The following ZNF516 variants were observed in gnomAD, a reference collection of about 807,000 sequenced individuals.
ZNF516 encodes zinc finger protein 516.
A neutral mutation model predicts 79.7 loss-of-function variants in ZNF516; 19 were observed. The observed-to-expected ratio is 0.24, with a 90% CI of 0.17 to 0.35. The LOEUF (loss-of-function observed/expected upper bound fraction) is 0.35. Among genes scored for constraint, ZNF516 ranks in the 10% least tolerant of loss-of-function variants. The pLI, the probability that ZNF516 is intolerant of heterozygous loss-of-function variation, is 1.00. For synonymous variants in ZNF516, 877 were observed against 739.5 expected (o/e 1.19, Z -3.02); for missense variants, 1,678 against 1,679.5 (o/e 1.00, Z 0.02).
chr18:76,491,089 G>C (rs928537562), intron 1 of ZNF516: 276 of 985,124 alleles, frequency 2.8e-4, no homozygotes, highest in Non-Finnish European at 3.2e-4. Flanking sequence ...AATCGTCCTC[G>C]GGGCCACGCC....
At chr18:76,458,180 C>T (rs1479462893) in intron 2 of ZNF516, among the ~76,000 whole-genome samples, 4 of 152,112 alleles carry the variant, frequency 2.6e-5, no homozygotes, top group Non-Finnish European at 4.4e-5. Flanking sequence ...TAACTTGATG[C>T]GAAATGACAA....
Position 76,441,513 on chromosome 18 carries a change from G to C in ZNF516, c.1542C>G (p.Ser514=), listed in dbSNP as rs745372873. 2.5e-6 allele frequency: 4 copies of C among 1,588,532 alleles called. No homozygotes were observed. Among genetic ancestry groups the C allele is most frequent in the Non-Finnish European group, 3.4e-6 (4 of 1,169,480 alleles). Residue 514 remains serine, a synonymous_variant, in exon 3 of 7, where the codon TCC becomes TCG. Coordinates refer to ENST00000443185, the MANE Select transcript of ZNF516 (RefSeq NM_014643.4). The part of the protein sequence containing the change: ...RAAATTGQGK[S]SECFECGKIF... ...TCTTGCCGCACTCGAAGCACTCGGAGGACTTGCCCTGGCCGGTGGTGGCTG... is the reference window on the plus strand; with the variant it reads ...TCTTGCCGCACTCGAAGCACTCGGACGACTTGCCCTGGCCGGTGGTGGCTG...
intron 1 of ZNF516, among the ~76,000 whole-genome samples, chr18:76,464,858 G>T (rs1393253834): frequency 6.6e-6 from 1 of 152,254 alleles, no homozygotes; most frequent in African/African-American, 2.4e-5. Flanking sequence ...GGTGGGGGAT[G>T]TATCATGGGA....
At chr18:76,468,074 A>T (rs984940496) in intron 1 of ZNF516, among the ~76,000 whole-genome samples, 1 of 152,154 alleles carries the variant, frequency 6.6e-6, no homozygotes, top group African/African-American at 2.4e-5. Flanking sequence ...TGAACTGACC[A>T]CTTCAGGCCA....
chr18:76,456,783 C>T (rs1912755571), intron 2 of ZNF516, among the ~76,000 whole-genome samples: 1 of 152,138 alleles, frequency 6.6e-6, no homozygotes, highest in Non-Finnish European at 1.5e-5. Flanking sequence ...ATCCTAAACA[C>T]AAATACTTTC....
intron 3 of ZNF516, among the ~76,000 whole-genome samples, chr18:76,404,235 G>A (rs1481173876): frequency 1.3e-5 from 2 of 152,276 alleles, no homozygotes; most frequent in African/African-American, 4.8e-5. Flanking sequence ...CCAGAGCCAG[G>A]GGGGTCCCCA....
chr18:76,467,776 C>T lies in ZNF516; in HGVS notation c.-271-4635G>A, dbSNP rs1005266450. Among the ~76,000 whole-genome samples the T allele has an allele frequency of 3.3e-5, 5 of 152,212 alleles. No homozygotes were observed. The highest frequency in any genetic ancestry group is 7.3e-5 in the Non-Finnish European group (5 of 68,042). On this transcript the variant is annotated intron_variant, in intron 1 of 6. Transcript: ENST00000443185. The surrounding 1 kb of genome is among the most constrained non-coding windows in gnomAD (Gnocchi z 4.2). ...TGCAGGCATGTTCAAACTGTAAGCC[C>T]GTTCGATTCCTGAGTTATTTTTACC...
intron 6 of ZNF516, among the ~76,000 whole-genome samples, chr18:76,367,365 G>A (rs751725494): frequency 6.6e-5 from 10 of 152,206 alleles, no homozygotes; most frequent in Non-Finnish European, 1.2e-4. Flanking sequence ...ATTCTCAGTA[G>A]CGTGTGACCT....
chr18:76,378,722 T>A, intron 4 of ZNF516, 133 bp downstream of exon 4: 2 of 1,330,782 alleles, frequency 1.5e-6, no homozygotes, highest in Non-Finnish European at 2.0e-6. Flanking sequence ...AGCTCTCAGC[T>A]CAGCAGTGGG....
chr18:76,394,839 G>A (rs12970360), intron 3 of ZNF516, among the ~76,000 whole-genome samples: 14,383 of 41,878 alleles, frequency 0.34, 4,447 homozygotes, highest in Middle Eastern at 0.54. Context: ...CAGGTGGGGG[G>A]AGGGCAGGTG....
At chr18:76,392,232 A>G (rs535988286) in intron 3 of ZNF516, among the ~76,000 whole-genome samples, 19 of 152,244 alleles carry the variant, frequency 1.2e-4, no homozygotes, top group African/African-American at 4.3e-4. Context: ...GGAAAGAAGC[A>G]TCTTTTGACA....
intron 3 of ZNF516, among the ~76,000 whole-genome samples, chr18:76,392,733 G>C (rs539540999): frequency 2.7e-4 from 12 of 45,274 alleles, no homozygotes; most frequent in Non-Finnish European, 4.3e-4. Flanking sequence ...CAGGTGACCA[G>C]GTGGGGGAAA....
intron 1 of ZNF516, among the ~76,000 whole-genome samples, chr18:76,487,744 A>C (rs1914911581): frequency 6.9e-6 from 1 of 145,368 alleles, no homozygotes; most frequent in South Asian, 2.3e-4. Flanking sequence ...ATCAAAGAGA[A>C]TGTCCTGCCC....
At chr18:76,490,406 T>C (rs1243112821) in intron 1 of ZNF516, among the ~76,000 whole-genome samples, 1 of 152,212 alleles carries the variant, frequency 6.6e-6, no homozygotes, top group African/African-American at 2.4e-5. Flanking sequence ...AGAATGCAAG[T>C]GAAAATGAAG....
Position 76,361,331 on chromosome 18 carries a change from A to G in ZNF516, c.*1167T>C, listed in dbSNP as rs375010213. 6.6e-6 allele frequency: 1 copy of G among 152,130 alleles called. No homozygotes were observed. The highest frequency in any genetic ancestry group is 1.9e-4 in the East Asian group (1 of 5,196). The allele number at this position is 152,130 out of a possible 1,614,324, so 9.4% of individuals were successfully genotyped here. A position where few individuals can be genotyped will look rare whatever the true frequency, so the allele number is the denominator to read the frequency against. On this transcript the variant is annotated 3_prime_UTR_variant, in exon 7 of 7. Coordinates refer to ENST00000443185, the MANE Select transcript of ZNF516 (RefSeq NM_014643.4). ...TTAAGATCCTTTGTTATGGGCCTTA[A>G]CCCCCACCACAAAAACTCGCATTTG...
chr18:76,432,829 G>A (rs1324845155), intron 3 of ZNF516, among the ~76,000 whole-genome samples: 1 of 152,180 alleles, frequency 6.6e-6, no homozygotes, highest in East Asian at 1.9e-4. Context: ...CTGGGAAAGG[G>A]CTTAGCCAAC....
At chr18:76,368,349 G>A (rs1325701263) in intron 6 of ZNF516, among the ~76,000 whole-genome samples, 1 of 152,062 alleles carries the variant, frequency 6.6e-6, no homozygotes, top group Non-Finnish European at 1.5e-5. Flanking sequence ...AGCATTCAGT[G>A]ATAAATCACC....
chr18:76,492,418 G>T, intron 1 of ZNF516: 1 of 964,746 alleles, frequency 1.0e-6, no homozygotes, highest in Non-Finnish European at 1.2e-6. Flanking sequence ...CAGCCAGGGC[G>T]CAGCGTTCAG....
intron 2 of ZNF516, among the ~76,000 whole-genome samples, chr18:76,453,637 A>G (rs1295990527): frequency 6.6e-6 from 1 of 152,242 alleles, no homozygotes; most frequent in East Asian, 1.9e-4. Context: ...GAAGTGGCTT[A>G]AAGATTTTAC....
Sources: allele counts gnomAD v4.1 joint callset (sites outside exome capture counted in the v4.1 genomes callset), GRCh38; gene constraint gnomAD v4.1.1; non-coding constraint Gnocchi (gnomAD v3.1); transcripts MANE v1.5; gene names NCBI Gene and HGNC (gene_info 2026-07-23, HGNC 2026-07-21).